Variants in USP9Y observed in about 807,000 individuals in gnomAD.
USP9Y encodes the protein ubiquitin carboxyl-terminal hydrolase 9Y.
A neutral mutation model predicts 53.1 loss-of-function variants in USP9Y; 41 were observed. The ratio of observed to expected loss-of-function variants is 0.77; its 90% CI spans 0.60 to 1.00. The LOEUF (loss-of-function observed/expected upper bound fraction) is 1.00, where lower values mean the gene tolerates loss of function less well. Among genes scored for constraint, USP9Y ranks in the 50% least tolerant of loss-of-function variants. The pLI is 0.00. For synonymous variants in USP9Y, 220 were observed against 173.7 expected (o/e 1.27, Z -2.09); for missense variants, 567 against 535.8 (o/e 1.06, Z -0.58).
At chrY:12,732,148 G>A (rs113484211) in intron 7 of USP9Y, among the ~76,000 whole-genome samples, 8 of 32,312 alleles carry the variant, frequency 2.5e-4, no homozygotes, top group Admixed American at 8.5e-4. Flanking sequence ...CTTCTTGGAC[G>A]TTCATAATGT....
At chrY:12,822,348 A>C in intron 33 of USP9Y, among the ~76,000 whole-genome samples, 1 of 31,229 alleles carries the variant, frequency 3.2e-5, no homozygotes, top group African/African-American at 1.2e-4. Flanking sequence ...TTTATAGTAC[A>C]CTTTATGCTT....
Position 12,778,048 on chromosome Y carries a change from T to C in USP9Y, c.2669T>C (p.Ile890Thr). ...RAFRGKHLSL[I>T]VRFPNQGRQV... The stretch of plus-strand genomic sequence containing the variant: ...TTTCGTGGCAAACACCTCTCTCTTA[T>C]AGTTCGGTTTCCAAACCAGGGCAGA... The change falls in exon 20 of 46, where the codon ATA (isoleucine) becomes ACA (threonine). Residue 890 changes from isoleucine (I) to threonine (T), a missense_variant. Coordinates refer to ENST00000338981, the MANE Select transcript of USP9Y (RefSeq NM_004654.4). The C allele has an allele frequency of 5.0e-6, 2 of 397,396 alleles. No homozygotes were observed. The highest frequency in any genetic ancestry group is 1.8e-4 in the East Asian group (2 of 10,830).
intron 12 of USP9Y, among the ~76,000 whole-genome samples, chrY:12,750,068 A>C: frequency 3.1e-5 from 1 of 32,731 alleles, no homozygotes; most frequent in Non-Finnish European, 7.5e-5. Flanking sequence ...ATTTGGGTCT[A>C]TCTTACTTTT....
intron 7 of USP9Y, among the ~76,000 whole-genome samples, chrY:12,730,126 G>GT: frequency 6.1e-5 from 2 of 32,707 alleles, no homozygotes; most frequent in Admixed American, 2.8e-4. Flanking sequence ...TGTATCTTTA[G>GT]TGGAGACAGA....
chrY:12,748,408 T>G, intron 12 of USP9Y, among the ~76,000 whole-genome samples: 1 of 33,604 alleles, frequency 3.0e-5, no homozygotes, highest in Non-Finnish European at 7.4e-5. Context: ...GCTGGTGTTT[T>G]AAGTAAGGCT....
chrY:12,736,213 A>C lies in USP9Y; in HGVS notation c.989A>C (p.Lys330Thr). ...SRISGQDETI[K>T]NLEIFRLKMI... ...ATTTCAGGACAAGATGAGACTATAA[A>C]AAATTTGGAAATTTTTAGGTTAAAG... Residue 330 changes from lysine (K) to threonine (T), a missense_variant, in exon 9 of 46, where the codon AAA (lysine) becomes ACA (threonine). Physicochemically the swap from Lys to Thr is moderately conservative, Grantham distance 78 (BLOSUM62 -1). Coordinates refer to ENST00000338981, the MANE Select transcript of USP9Y (RefSeq NM_004654.4). 2.6e-6 allele frequency: 1 copy of C among 389,054 alleles called. No individual in the cohort carries two copies. Among genetic ancestry groups the C allele is most frequent in the East Asian group, 9.3e-5 (1 of 10,700 alleles).
Position 12,841,015 on chromosome Y carries a change from G to A in USP9Y, c.6094G>A (p.Asp2032Asn). ...TATATACTTTTTATTTAAAGGGCAGGATTATTTGTTGCCTGAAGCAGAAGA... is the reference window on the plus strand; with the variant it reads ...TATATACTTTTTATTTAAAGGGCAGAATTATTTGTTGCCTGAAGCAGAAGA... ...GVYLNPAPGQ[D>N]YLLPEAEEIT... Residue 2032 changes from aspartate (D) to asparagine (N), a missense_variant, in exon 37 of 46, where the codon GAT (aspartate) becomes AAT (asparagine). Asp to Asn is a conservative substitution (Grantham distance 23). Transcript: ENST00000338981. 2.5e-6 allele frequency: 1 copy of A among 392,553 alleles called. No homozygotes were observed. The highest frequency in any genetic ancestry group is 3.0e-5 in the South Asian group (1 of 33,461).
At chrY:12,762,583 A>C in intron 15 of USP9Y, among the ~76,000 whole-genome samples, 1 of 33,826 alleles carries the variant, frequency 3.0e-5, no homozygotes, top group Non-Finnish European at 7.4e-5. Context: ...TATATAGTTA[A>C]ATACACAATT....
intron 27 of USP9Y, chrY:12,802,059 C>A (rs2053519714): frequency 2.9e-5 from 1 of 34,415 alleles, no homozygotes. Context: ...CAGCTGTTCA[C>A]ACTCTCATTG....
chrY:12,847,335 C>A lies in USP9Y; in HGVS notation c.7064+8C>A. Reference sequence around the variant, plus strand: ...CTCCTGGCAGACTCACAGGTGAATACCCTTTTGCCACCAGAATAATTAGAA... The same window carrying A: ...CTCCTGGCAGACTCACAGGTGAATAACCTTTTGCCACCAGAATAATTAGAA... On this transcript the variant is annotated splice_region_variant and intron_variant, in intron 42 of 45. Transcript: ENST00000338981. 2.8e-6 allele frequency: 1 copy of A among 352,548 alleles called. No homozygotes were observed. Among genetic ancestry groups the A allele is most frequent in the Non-Finnish European group, 4.1e-6 (1 of 241,907 alleles). The allele number at this position is 352,548 out of a possible 400,897, so 87.9% of individuals were successfully genotyped here. A position where few individuals can be genotyped will look rare whatever the true frequency, so the allele number is the denominator to read the frequency against.
intron 16 of USP9Y, 42 bp from the exon 17 acceptor site, chrY:12,773,541 A>G (rs755339973): frequency 5.4e-6 from 2 of 372,770 alleles, no homozygotes; most frequent in East Asian, 9.3e-5. Context: ...TTTGCAGGAA[A>G]AAACTATGTT....
chrY:12,800,463 G>A (rs2053518149), intron 27 of USP9Y, among the ~76,000 whole-genome samples: 2 of 33,571 alleles, frequency 6.0e-5, no homozygotes, highest in African/African-American at 2.3e-4. Flanking sequence ...GTTGACCGCC[G>A]GTGACCAGAA....
At position 12,722,148 on chromosome Y, in the gene USP9Y, G is replaced by A. The variant is rs767193864; in HGVS notation, c.286G>A (p.Glu96Lys). ...TCCTGTTTTGCCAAAAGGGGAATTA[G>A]AAGTGCTTTTAGAAGCTGCTATTGA... is the stretch of plus-strand genomic sequence containing the variant. Reference protein sequence around the residue: ...VVPVLPKGELEVLLEAAIDLS... With the variant: ...VVPVLPKGELKVLLEAAIDLS... Residue 96 changes from glutamate to lysine, a missense_variant, in exon 5 of 46, where the codon GAA becomes AAA. By Grantham distance (56) the Glu-to-Lys change is moderately conservative. Transcript: ENST00000338981. 7 of 394,755 alleles carry A rather than the reference G, an allele frequency of 1.8e-5. No individual in the cohort carries two copies. The East Asian group carries it at 6.5e-4, about 37-fold the overall frequency.
At chrY:12,721,458 G>C in intron 4 of USP9Y, among the ~76,000 whole-genome samples, 1 of 33,362 alleles carries the variant, frequency 3.0e-5, no homozygotes, top group African/African-American at 1.2e-4. Flanking sequence ...TAGTGGGTTT[G>C]TCAGTAGACA....
At position 12,775,484 on chromosome Y, in the gene USP9Y, G is replaced by A; in HGVS notation, c.2345G>A (p.Ser782Asn). ...TTTTGGAACCAGGTTGTGATTCAGA[G>A]TAGTGACGAGATTGCTAACAGAGCT... ...LDYLWRVVIQ[S>N]SDEIANRAID... Residue 782 changes from serine (S) to asparagine (N), a missense_variant, in exon 18 of 46, where the codon AGT becomes AAT. Coordinates refer to ENST00000338981, the MANE Select transcript of USP9Y (RefSeq NM_004654.4). The A allele has an allele frequency of 2.5e-6, 1 of 394,329 alleles. No homozygotes were observed. The highest frequency in any genetic ancestry group is 3.6e-6 in the Non-Finnish European group (1 of 280,691).
At chrY:12,832,998 G>A (rs2053551692) in intron 33 of USP9Y, among the ~76,000 whole-genome samples, 1 of 32,791 alleles carries the variant, frequency 3.0e-5, no homozygotes, top group Admixed American at 2.8e-4. Context: ...AAAGTTCACC[G>A]CAAAGAAAAA....
intron 12 of USP9Y, among the ~76,000 whole-genome samples, chrY:12,745,339 T>A (rs2053459977): frequency 8.8e-5 from 3 of 33,951 alleles, no homozygotes; most frequent in African/African-American, 3.4e-4. Context: ...CAGATGGGAC[T>A]TTGAAGCTGA....
At position 12,846,969 on chromosome Y, in the gene USP9Y, A is replaced by G; in HGVS notation, c.6791A>G (p.Asn2264Ser). The change falls in exon 41 of 46, where the codon AAT becomes AGT. Residue 2264 changes from asparagine (N) to serine (S), a missense_variant. Physicochemically the swap from Asn to Ser is conservative, Grantham distance 46. Coordinates refer to ENST00000338981, the MANE Select transcript of USP9Y (RefSeq NM_004654.4). The part of the protein sequence containing the change: ...PPLPNPFGDL[N>S]LSQPIMPIQQ... ...CTCCCCAATCCTTTCGGTGACCTTA[A>G]TTTATCACAGCCTATAATGCCAATT... 2.5e-6 allele frequency: 1 copy of G among 398,122 alleles called. No homozygotes were observed. The highest frequency in any genetic ancestry group is 3.0e-5 in the South Asian group (1 of 33,782).
At chrY:12,857,371 C>A in intron 44 of USP9Y, 195 bp from the exon 45 acceptor site, 2 of 111,379 alleles carry the variant, frequency 1.8e-5, no homozygotes, top group Non-Finnish European at 3.4e-5. Context: ...TCCCAAAGTG[C>A]TGAGATTATA....
Sources: allele counts gnomAD v4.1 joint callset (sites outside exome capture counted in the v4.1 genomes callset), GRCh38; gene constraint gnomAD v4.1.1; transcripts MANE v1.5; gene names NCBI Gene and HGNC (gene_info 2026-07-23, HGNC 2026-07-21).